CSMD3: variants seen among roughly 807,000 people sequenced by gnomAD.
CSMD3 encodes the protein CUB and Sushi multiple domains 3, also known as CUB and sushi domain-containing protein 3.
A neutral mutation model predicts 435.2 loss-of-function variants in CSMD3; 177 were observed. The ratio of observed to expected loss-of-function variants is 0.41; its 90% CI spans 0.36 to 0.46. CSMD3 has a LOEUF of 0.46. CSMD3 is among the 20% of genes least tolerant of loss of function. CSMD3 has a pLI of 0.34. For synonymous variants in CSMD3, 1,656 were observed against 1,520.5 expected, an observed-to-expected ratio of 1.09 and a Z score of -2.07; for missense variants, 4,265 against 4,504.6, an observed-to-expected ratio of 0.95 and a Z score of 1.52.
At chr8:113,392,043 GA>G (rs992251164) in intron 1 of CSMD3, among the ~76,000 whole-genome samples, 1 of 151,806 alleles carries the variant, frequency 6.6e-6, no homozygotes, top group African/African-American at 2.4e-5. Context: ...AGACTCAGAG[GA>G]ATCACATGCT....
Position 112,291,621 on chromosome 8 carries a change from A to G in CSMD3, c.8863T>C (p.Tyr2955His), listed in dbSNP as rs753999678. 1.2e-6 allele frequency: 2 copies of G among 1,611,644 alleles called. No individual in the cohort carries two copies. Among genetic ancestry groups the G allele is most frequent in the Non-Finnish European group, 1.7e-6 (2 of 1,178,082 alleles). Residue 2955 changes from tyrosine (Y) to histidine (H), a missense_variant, in exon 56 of 71, where the codon TAC (tyrosine) becomes CAC (histidine). Transcript: ENST00000297405. The part of the protein sequence containing the change: ...ESKIEHGNFT[Y>H]GTVVFYDCNP... ...CAGTCATAGAATACCACAGTGCCGTAAGTAAAATTTCCATGTTCTATTTTA... is the reference window on the plus strand; with the variant it reads ...CAGTCATAGAATACCACAGTGCCGTGAGTAAAATTTCCATGTTCTATTTTA...
At chr8:112,587,275 T>G in intron 22 of CSMD3, 40 bp from the exon 23 acceptor site, 3 of 1,424,908 alleles carry the variant, frequency 2.1e-6, no homozygotes, top group Middle Eastern at 1.9e-4. Flanking sequence ...GTTTAATAGA[T>G]AGCAGTATCA....
chr8:112,521,567 T>A (rs1032691162), intron 27 of CSMD3, among the ~76,000 whole-genome samples: 1 of 151,916 alleles, frequency 6.6e-6, no homozygotes, highest in African/African-American at 2.4e-5. Flanking sequence ...CTGGAGTACC[T>A]TAGGAATTAG....
chr8:112,504,541 C>T (rs770424714), intron 29 of CSMD3, among the ~76,000 whole-genome samples: 4 of 152,004 alleles, frequency 2.6e-5, no homozygotes, highest in Non-Finnish European at 4.4e-5. Flanking sequence ...TGAAGCTTTG[C>T]ACATTGTATT....
chr8:112,724,172 GA>G (rs1349972392), intron 13 of CSMD3, among the ~76,000 whole-genome samples: 2 of 151,910 alleles, frequency 1.3e-5, no homozygotes, highest in African/African-American at 4.8e-5. Flanking sequence ...GGCAGCCTTG[GA>G]AAATGGCATT....
At chr8:112,620,184 A>C (rs1833959977) in intron 22 of CSMD3, among the ~76,000 whole-genome samples, 1 of 152,150 alleles carries the variant, frequency 6.6e-6, no homozygotes, top group Non-Finnish European at 1.5e-5. Flanking sequence ...ATACTAAAGA[A>C]TTAGAATAAA....
intron 2 of CSMD3, among the ~76,000 whole-genome samples, chr8:113,308,913 ATT>A (rs2093845081): frequency 6.6e-6 from 1 of 152,050 alleles, no homozygotes; most frequent in African/African-American, 2.4e-5. Flanking sequence ...TCAGCTTTCA[ATT>A]TCTTTACGGC....
chr8:112,227,010 T>C (rs1473112108), intron 70 of CSMD3, among the ~76,000 whole-genome samples: 1 of 152,204 alleles, frequency 6.6e-6, no homozygotes, highest in Non-Finnish European at 1.5e-5. Flanking sequence ...CAGAACACCT[T>C]GATGGTTACT....
chr8:112,287,826 A>C lies in CSMD3; in HGVS notation c.9149-580T>G, dbSNP rs1819363746. Reference sequence around the variant, plus strand: ...ATTCCTCGTATATGAAAACATAAAAATAAAATGTAAAAGACCAAAATTTAG... The same window carrying C: ...ATTCCTCGTATATGAAAACATAAAACTAAAATGTAAAAGACCAAAATTTAG... On this transcript the variant is annotated intron_variant, in intron 57 of 70. Transcript: ENST00000297405. Among the ~76,000 whole-genome samples the C allele has an allele frequency of 2.6e-5, 4 of 152,146 alleles. No individual in the cohort carries two copies. The South Asian group carries it at 8.3e-4, about 31-fold the overall frequency.
chr8:112,413,411 C>T (rs116593144), intron 32 of CSMD3, among the ~76,000 whole-genome samples: 3,042 of 152,256 alleles, frequency 0.02, 100 homozygotes, highest in African/African-American at 0.069. Flanking sequence ...CAAACCCTGT[C>T]GAATCCTTTT....
At chr8:113,048,373 G>A (rs1250472363) in intron 5 of CSMD3, among the ~76,000 whole-genome samples, 2 of 152,048 alleles carry the variant, frequency 1.3e-5, no homozygotes, top group African/African-American at 2.4e-5. Flanking sequence ...GATTACAGGC[G>A]TGAGCCACCG....
chr8:113,182,878 TTG>T, intron 3 of CSMD3, among the ~76,000 whole-genome samples: 1 of 149,974 alleles, frequency 6.7e-6, no homozygotes, highest in Non-Finnish European at 1.5e-5. Flanking sequence ...GTTGCTGTTG[TTG>T]TTGTTGTTGT....
intron 18 of CSMD3, among the ~76,000 whole-genome samples, chr8:112,653,728 C>T (rs2075187631): frequency 6.9e-6 from 1 of 144,330 alleles, no homozygotes; most frequent in African/African-American, 2.6e-5. Flanking sequence ...GGTGTGATCT[C>T]GGCTCACTGC....
intron 32 of CSMD3, among the ~76,000 whole-genome samples, chr8:112,430,421 T>G (rs940134818): frequency 6.6e-6 from 1 of 152,086 alleles, no homozygotes; most frequent in Non-Finnish European, 1.5e-5. Flanking sequence ...TCACTATATA[T>G]GCCAGATACT....
rs1479252000 is a variant in CSMD3, at chr8:112,247,138, C to G, written c.10111-7G>C. On this transcript the variant is annotated splice_polypyrimidine_tract_variant and splice_region_variant and intron_variant, in intron 63 of 70. Coordinates refer to ENST00000297405, the MANE Select transcript of CSMD3 (RefSeq NM_198123.2). ...ACTGTACAACACTTCCTACCTATAG[C>G]AAATTAAAGAGAGGAAAAAAATATT... 2 of 1,581,234 alleles carry G rather than the reference C, an allele frequency of 1.3e-6. No individual in the cohort carries two copies. Among genetic ancestry groups the G allele is most frequent in the Middle Eastern group, 1.7e-4 (1 of 6,022 alleles).
At chr8:112,620,281 T>G (rs1321506934) in intron 22 of CSMD3, among the ~76,000 whole-genome samples, 1 of 152,168 alleles carries the variant, frequency 6.6e-6, no homozygotes, top group Non-Finnish European at 1.5e-5. Flanking sequence ...TTTTGGAAAT[T>G]TCAGTAGGAA....
At chr8:113,431,294 C>CA (rs1266832989) in intron 1 of CSMD3, among the ~76,000 whole-genome samples, 1 of 152,080 alleles carries the variant, frequency 6.6e-6, no homozygotes, top group Non-Finnish European at 1.5e-5. Context: ...GTAAAGGGAA[C>CA]AGAAGAAAGA....
At chr8:112,229,249 G>A (rs1187489711) in intron 69 of CSMD3, among the ~76,000 whole-genome samples, 1 of 152,100 alleles carries the variant, frequency 6.6e-6, no homozygotes, top group Non-Finnish European at 1.5e-5. Context: ...TACAACATAG[G>A]CTTGGCTTGA....
chr8:113,213,946 C>T (rs2092870149), intron 3 of CSMD3, among the ~76,000 whole-genome samples: 1 of 152,048 alleles, frequency 6.6e-6, no homozygotes, highest in Admixed American at 6.6e-5. Flanking sequence ...CTGTGAGATA[C>T]ATAGATGCTG....
Sources: gnomAD v4.1 joint callset for allele counts (sites outside exome capture counted in the v4.1 genomes callset) on GRCh38, gnomAD v4.1.1 for gene constraint, MANE v1.5 for transcripts, NCBI Gene and HGNC (gene_info 2026-07-23, HGNC 2026-07-21) for gene names.